The following MTMR10 variants were observed in gnomAD, a reference collection of about 807,000 sequenced individuals.
MTMR10 encodes myotubularin-related protein 10.
Under a neutral mutation model 88.1 loss-of-function variants are expected in MTMR10, and 56 were observed. That is an observed-to-expected ratio of 0.64 (90% CI 0.51 to 0.79). MTMR10 has a LOEUF of 0.79. MTMR10 is among the 30% of genes least tolerant of loss of function. The probability of loss-of-function intolerance (pLI) is 0.00; values close to 1 mark genes in which losing one functional copy is unlikely to be tolerated. For missense variants in MTMR10, 883 were observed against 924.7 expected (o/e 0.95, Z 0.58); for synonymous variants, 380 against 340.9 (o/e 1.11, Z -1.26).
intron 2 of MTMR10, among the ~76,000 whole-genome samples, chr15:30,988,763 C>A (rs961872563): frequency 6.6e-6 from 1 of 152,006 alleles, no homozygotes; most frequent in African/African-American, 2.4e-5. Context: ...CCAAGGCGGG[C>A]GGATCACCTG....
At chr15:30,966,029 G>A in intron 6 of MTMR10, 1 of 455,584 alleles carries the variant, frequency 2.2e-6, no homozygotes, top group Non-Finnish European at 4.4e-6. Flanking sequence ...TAAAGATGCA[G>A]TATTTATGCT....
intron 14 of MTMR10, among the ~76,000 whole-genome samples, chr15:30,945,748 T>C (rs2063161478): frequency 6.6e-6 from 1 of 152,178 alleles, no homozygotes; most frequent in African/African-American, 2.4e-5. Context: ...TCTAAGCCTG[T>C]ATCACTGGTT....
chr15:30,981,660 T>C (rs2030580925), intron 2 of MTMR10, among the ~76,000 whole-genome samples: 1 of 152,376 alleles, frequency 6.6e-6, no homozygotes, highest in African/African-American at 2.4e-5. Flanking sequence ...TCTACATTTT[T>C]AAGTCAATTT....
Position 30,941,646 on chromosome 15 carries a change from C to T in MTMR10, c.2158G>A (p.Ala720Thr), listed in dbSNP as rs369855394. 22 of 1,610,728 alleles carry T rather than the reference C, an allele frequency of 1.4e-5. No individual in the cohort carries two copies. The highest frequency in any genetic ancestry group is 1.8e-5 in the Non-Finnish European group (21 of 1,178,532). ...ELGQSRMYFN[A>T]SGPHHTDTSG... ...GTGTCGGTGTGGTGAGGGCCGCTGG[C>T]GTTGAAGTACATCCTGCTCTGGCCC... The change falls in exon 16 of 16, where the codon GCC becomes ACC. Residue 720 changes from alanine (A) to threonine (T), a missense_variant. Physicochemically the swap from Ala to Thr is moderately conservative, Grantham distance 58 (BLOSUM62 0). Coordinates refer to ENST00000435680, the MANE Select transcript of MTMR10 (RefSeq NM_017762.3).
At chr15:30,971,565 A>G (rs1191932852) in intron 5 of MTMR10, among the ~76,000 whole-genome samples, 1 of 152,234 alleles carries the variant, frequency 6.6e-6, no homozygotes, top group Non-Finnish European at 1.5e-5. Flanking sequence ...ATTCACTTCT[A>G]TAAAGTATTC....
chr15:30,935,347 C>A (rs150216665), downstream of MTMR10, among the ~76,000 whole-genome samples: 1 of 152,012 alleles, frequency 6.6e-6, no homozygotes. Flanking sequence ...ATTTCCATGT[C>A]TAGAAGTTCT....
chr15:30,965,447 A>G (rs189023556), intron 6 of MTMR10, among the ~76,000 whole-genome samples: 11 of 152,330 alleles, frequency 7.2e-5, no homozygotes, highest in African/African-American at 9.6e-5. Flanking sequence ...GAAACTTTCA[A>G]TATTTTTGGT....
In MTMR10 at chr15:30,988,448, A is replaced by T. The variant is rs372128569; in HGVS notation, c.121+2329T>A. Among the ~76,000 whole-genome samples, 57 of 152,322 alleles carry T rather than the reference A, an allele frequency of 3.7e-4. 1 individual carries two copies. In the South Asian group the frequency reaches 0.011, roughly 30 times the overall value. On this transcript the variant is annotated intron_variant, in intron 2 of 15. Coordinates refer to ENST00000435680, the MANE Select transcript of MTMR10 (RefSeq NM_017762.3). ...TTAACACAGGTCAGAGAATTCCTTA[A>T]TGGGCAACTAAAAGGTTCAGACTTA...
intron 13 of MTMR10, among the ~76,000 whole-genome samples, chr15:30,947,887 A>T (rs2063193853): frequency 6.6e-6 from 1 of 152,224 alleles, no homozygotes; most frequent in Non-Finnish European, 1.5e-5. Context: ...TCCGCAGCCT[A>T]ACTAGAGATC....
chr15:30,986,916 A>G (rs2030975645), intron 2 of MTMR10, among the ~76,000 whole-genome samples: 1 of 152,258 alleles, frequency 6.6e-6, no homozygotes. Flanking sequence ...TCCAGCAGCT[A>G]AACAGGACAG....
intron 9 of MTMR10, 151 bp downstream of exon 9, chr15:30,958,712 C>T (rs2063359710): frequency 2.8e-6 from 2 of 726,088 alleles, no homozygotes; most frequent in Non-Finnish European, 4.5e-6. Flanking sequence ...AATATTATCA[C>T]ATTCTTTTCA....
chr15:30,977,042 G>A, intron 2 of MTMR10, 87 bp from the exon 3 acceptor site: 1 of 1,267,394 alleles, frequency 7.9e-7, no homozygotes, highest in Non-Finnish European at 1.1e-6. Flanking sequence ...TTTCATGAGG[G>A]CAAGGATGAG....
intron 9 of MTMR10, among the ~76,000 whole-genome samples, chr15:30,955,513 A>G (rs930794440): frequency 1.7e-4 from 25 of 151,184 alleles, no homozygotes; most frequent in African/African-American, 4.6e-4. Flanking sequence ...CTTGTGATTC[A>G]CCCCCCTTGG....
chr15:30,981,169 A>G (rs1325130860), intron 2 of MTMR10, among the ~76,000 whole-genome samples: 2 of 152,256 alleles, frequency 1.3e-5, no homozygotes, highest in Non-Finnish European at 2.9e-5. Context: ...TATCTTCCCA[A>G]AAGTATTGAC....
chr15:30,928,743 G>A, the MTMR10 span: 4 of 1,590,904 alleles, frequency 2.5e-6, no homozygotes, highest in African/African-American at 1.3e-5. Flanking sequence ...TCCACAGCCA[G>A]CAGAAACCAT....
chr15:30,968,962 CA>C (rs1224725117), intron 5 of MTMR10, among the ~76,000 whole-genome samples: 1 of 152,060 alleles, frequency 6.6e-6, no homozygotes, highest in African/African-American at 2.4e-5. Flanking sequence ...AAATTTAAGA[CA>C]TATGCAAGGA....
rs766046726 is a variant in MTMR10 at position 30,959,026 on chromosome 15, T to C, written c.846+8A>G. On this transcript the variant is annotated splice_region_variant and intron_variant, in intron 8 of 15. Coordinates refer to ENST00000435680, the MANE Select transcript of MTMR10 (RefSeq NM_017762.3). The stretch of plus-strand genomic sequence containing the variant: ...CAGCATTCATAAAATCCAACAGAAA[T>C]CACTTACTGGCATCCTTCTCCCAAC... 3.1e-6 allele frequency: 5 copies of C among 1,613,540 alleles called. No homozygotes were observed. The highest frequency in any genetic ancestry group is 2.5e-6 in the Non-Finnish European group (3 of 1,179,640).
chr15:30,985,701 C>G (rs2030898648), intron 2 of MTMR10, among the ~76,000 whole-genome samples: 1 of 152,200 alleles, frequency 6.6e-6, no homozygotes. Context: ...AATAGCTTAG[C>G]AAAAAGAAGA....
the MTMR10 span, among the ~76,000 whole-genome samples, chr15:30,930,024 A>AAT: frequency 3.5e-4 from 48 of 138,060 alleles, no homozygotes; most frequent in African/African-American, 1.1e-4. Flanking sequence ...AATATATAAT[A>AAT]ATATATATAT....
Sources: gnomAD v4.1 joint callset for allele counts (sites outside exome capture counted in the v4.1 genomes callset) on GRCh38, gnomAD v4.1.1 for gene constraint, MANE v1.5 for transcripts, NCBI Gene and HGNC (gene_info 2026-07-23, HGNC 2026-07-21) for gene names.